The following LRRC53 variants were observed in gnomAD, a reference collection of about 807,000 sequenced individuals.
LRRC53 encodes the protein leucine-rich repeat-containing protein 53.
A neutral mutation model predicts 13.6 loss-of-function variants in LRRC53; 25 were observed. That is an observed-to-expected ratio of 1.83 (90% CI 1.34 to 2.56). LRRC53 has a LOEUF of 2.56. Among genes scored for constraint, LRRC53 ranks in the 30% most tolerant of loss-of-function variants. LRRC53 has a pLI of 0.00. For synonymous variants in LRRC53, 204 were observed against 109.8 expected (o/e 1.86, Z -5.37); for missense variants, 527 against 275.8 (o/e 1.91, Z -6.45).
chr1:74,505,648 G>C (rs372301395), intron 1 of LRRC53, among the ~76,000 whole-genome samples: 3 of 151,686 alleles, frequency 2.0e-5, no homozygotes, highest in African/African-American at 7.3e-5. Flanking sequence ...TTGCTTACTC[G>C]TATTTGAAGC....
upstream of LRRC53, among the ~76,000 whole-genome samples, chr1:74,515,306 C>T (rs1646333627): frequency 6.6e-6 from 1 of 152,130 alleles, no homozygotes; most frequent in African/African-American, 2.4e-5. Context: ...TCCTGAGGGT[C>T]ATAGTCATGT....
intron 1 of LRRC53, among the ~76,000 whole-genome samples, chr1:74,483,600 C>A (rs1668606328): frequency 6.6e-6 from 1 of 152,150 alleles, no homozygotes; most frequent in South Asian, 2.1e-4. Flanking sequence ...ACATCCAGGG[C>A]ATATTTATTA....
chr1:74,525,483 C>T, the LRRC53 span, among the ~76,000 whole-genome samples: 1 of 152,148 alleles, frequency 6.6e-6, no homozygotes, highest in Admixed American at 6.5e-5. Flanking sequence ...ACTTGGCCAA[C>T]TGCATAGAAC....
intron 2 of LRRC53, among the ~76,000 whole-genome samples, chr1:74,481,793 A>G (rs187762393): frequency 6.6e-6 from 1 of 152,212 alleles, no homozygotes; most frequent in Non-Finnish European, 1.5e-5. Context: ...CATCTTTATC[A>G]TGCTAACATT....
chr1:74,507,890 T>A (rs1669985768), intron 1 of LRRC53, among the ~76,000 whole-genome samples: 1 of 152,212 alleles, frequency 6.6e-6, no homozygotes, highest in Admixed American at 6.5e-5. Context: ...TAGTCAGGTG[T>A]TCATTCAACA....
chr1:74,485,628 T>G (rs1359944477), intron 1 of LRRC53, among the ~76,000 whole-genome samples: 1 of 152,170 alleles, frequency 6.6e-6, no homozygotes, highest in Admixed American at 6.5e-5. Flanking sequence ...ATCATATGAC[T>G]AAAGGAAGAT....
intron 1 of LRRC53, among the ~76,000 whole-genome samples, chr1:74,498,393 G>T (rs534051897): frequency 6.9e-4 from 105 of 152,148 alleles, no homozygotes; most frequent in African/African-American, 2.4e-3. Flanking sequence ...TCTGTGCCAC[G>T]TTATAATTCA....
intron 1 of LRRC53, among the ~76,000 whole-genome samples, chr1:74,502,795 A>C (rs1273054897): frequency 6.6e-6 from 1 of 152,196 alleles, no homozygotes; most frequent in Non-Finnish European, 1.5e-5. Flanking sequence ...ATACAGACCC[A>C]AACTGAACAC....
At chr1:74,491,528 C>T (rs1669075578) in intron 1 of LRRC53, among the ~76,000 whole-genome samples, 1 of 152,142 alleles carries the variant, frequency 6.6e-6, no homozygotes, top group South Asian at 2.1e-4. Context: ...GTGTGAGCCA[C>T]CACACCCAGC....
At chr1:74,485,566 T>C (rs1445577559) in intron 1 of LRRC53, among the ~76,000 whole-genome samples, 1 of 152,172 alleles carries the variant, frequency 6.6e-6, no homozygotes, top group African/African-American at 2.4e-5. Flanking sequence ...TGTCCTTCAG[T>C]GTGGGCAGAA....
In LRRC53 at chr1:74,470,986, G is replaced by A. The variant is rs1667899067; in HGVS notation, c.2636C>T (p.Thr879Ile). The A allele has an allele frequency of 7.5e-6, 3 of 400,716 alleles. No individual in the cohort carries two copies. In the East Asian group the frequency reaches 1.1e-4, roughly 14 times the overall value. The allele number at this position is 400,716 out of a possible 1,614,324, so 24.8% of individuals were successfully genotyped here. A position where few individuals can be genotyped will look rare whatever the true frequency, so the allele number is the denominator to read the frequency against. ...ESKVLSYLAT[T>I]WENTGSDVLP... ...AACATCACTTCCTGTATTTTCCCAA[G>A]TAGTTGCTAAATAACTAAGCACTTT... Residue 879 changes from threonine (T) to isoleucine (I), a missense_variant, in exon 5 of 5, where the codon ACT becomes ATT. Thr to Ile is a moderately conservative substitution (Grantham distance 89). Transcript: ENST00000294635.
chr1:74,496,740 C>T (rs1234049600), intron 1 of LRRC53, among the ~76,000 whole-genome samples: 2 of 152,140 alleles, frequency 1.3e-5, no homozygotes, highest in African/African-American at 2.4e-5. Context: ...GAGAAAGGCA[C>T]TCTTGAAGTT....
rs920983905 is a variant in LRRC53, at chr1:74,483,343, G to A, written c.7C>T (p.Arg3Trp). The A allele has an allele frequency of 2.9e-5, 21 of 717,208 alleles. No individual in the cohort carries two copies. Among genetic ancestry groups the A allele is most frequent in the South Asian group, 5.9e-5 (4 of 67,576 alleles). The allele number at this position is 717,208 out of a possible 1,614,324, so 44.4% of individuals were successfully genotyped here. The change falls in exon 2 of 5, where the codon CGG becomes TGG. Residue 3 changes from arginine to tryptophan, a missense_variant. Physicochemically the swap from Arg to Trp is moderately radical, Grantham distance 101 (BLOSUM62 -3). Coordinates refer to ENST00000294635, the MANE Select transcript of LRRC53 (RefSeq NM_001382280.1). The stretch of plus-strand genomic sequence containing the variant: ...GACTCAGGGCAAGCTGCCACCAACC[G>A]CAACATGATGGCAAAGAGTACCAGC... ML[R>W]LVAACPESCV...
chr1:74,487,695 AAGAT>A (rs1234374613), intron 1 of LRRC53, among the ~76,000 whole-genome samples: 2 of 152,272 alleles, frequency 1.3e-5, no homozygotes, highest in African/African-American at 2.4e-5. Flanking sequence ...AGTAGGGAAA[AAGAT>A]AGGCAGATGG....
the LRRC53 span, among the ~76,000 whole-genome samples, chr1:74,529,439 C>G: frequency 6.6e-6 from 1 of 152,114 alleles, no homozygotes; most frequent in African/African-American, 2.4e-5. Flanking sequence ...TTAGGAAATT[C>G]AAGTAGAGAT....
intron 1 of LRRC53, among the ~76,000 whole-genome samples, chr1:74,508,489 C>T (rs550804073): frequency 6.6e-6 from 1 of 152,248 alleles, no homozygotes; most frequent in South Asian, 2.1e-4. Flanking sequence ...TTAAACCTGG[C>T]CAGAGTAGTT....
chr1:74,501,631 C>A (rs1472178318), intron 1 of LRRC53, among the ~76,000 whole-genome samples: 1 of 152,032 alleles, frequency 6.6e-6, no homozygotes, highest in African/African-American at 2.4e-5. Context: ...GGATTACAGG[C>A]ACGCACTACC....
intron 2 of LRRC53, 38 bp downstream of exon 2, chr1:74,483,223 AC>A: frequency 1.4e-6 from 1 of 715,176 alleles, no homozygotes; most frequent in Non-Finnish European, 2.6e-6. Flanking sequence ...TTTTCCAGGT[AC>A]ACTGAGCACT....
At chr1:74,508,872 A>G (rs1345056221) in intron 1 of LRRC53, among the ~76,000 whole-genome samples, 1 of 152,212 alleles carries the variant, frequency 6.6e-6, no homozygotes, top group African/African-American at 2.4e-5. Flanking sequence ...AATAGGGACC[A>G]TAATATTACC....
Sources: gnomAD v4.1 joint callset for allele counts (sites outside exome capture counted in the v4.1 genomes callset) on GRCh38, gnomAD v4.1.1 for gene constraint, MANE v1.5 for transcripts, NCBI Gene and HGNC (gene_info 2026-07-23, HGNC 2026-07-21) for gene names.